The following OPCML variants were observed in gnomAD, a reference collection of about 807,000 sequenced individuals.
The protein encoded by OPCML is opioid-binding protein/cell adhesion molecule.
Under a neutral mutation model 37.8 loss-of-function variants are expected in OPCML, and 13 were observed. That is an observed-to-expected ratio of 0.34 (90% CI 0.22 to 0.55). The LOEUF is 0.55. Among genes scored for constraint, OPCML ranks in the 20% least tolerant of loss-of-function variants. The pLI is 0.91. For missense variants in OPCML, 341 were observed against 435.6 expected (o/e 0.78, Z 1.93); for synonymous variants, 176 against 168.8 (o/e 1.04, Z -0.33).
At chr11:132,441,231 G>A (rs546063289) in intron 4 of OPCML, among the ~76,000 whole-genome samples, 3 of 133,058 alleles carry the variant, frequency 2.3e-5, no homozygotes, top group Non-Finnish European at 1.5e-5. Context: ...GCAGTGGCGG[G>A]ATCTCGGCTC....
intron 3 of OPCML, 109 bp from the exon 4 acceptor site, chr11:132,529,295 T>C (rs1591511700): frequency 1.5e-6 from 2 of 1,360,092 alleles, no homozygotes; most frequent in South Asian, 1.6e-5. Flanking sequence ...AAATATTGTT[T>C]GCAGTAATAA....
chr11:132,821,693 G>C (rs758497554), intron 2 of OPCML, among the ~76,000 whole-genome samples: 1 of 152,132 alleles, frequency 6.6e-6, no homozygotes, highest in Non-Finnish European at 1.5e-5. Flanking sequence ...TGCTGACTTC[G>C]ACACTTTCTT....
chr11:132,808,224 A>C (rs1025833000), intron 2 of OPCML, among the ~76,000 whole-genome samples: 3 of 152,226 alleles, frequency 2.0e-5, no homozygotes, highest in African/African-American at 7.2e-5. Context: ...ATTACAAGGC[A>C]ATGTAATAAA....
chr11:132,475,227 T>C (rs1180146853), intron 4 of OPCML, among the ~76,000 whole-genome samples: 1 of 152,200 alleles, frequency 6.6e-6, no homozygotes, highest in African/African-American at 2.4e-5. Context: ...AGTTATTAGA[T>C]AGGCTTGCTT....
chr11:132,642,809 G>A (rs1195517523), intron 3 of OPCML, among the ~76,000 whole-genome samples: 1 of 152,206 alleles, frequency 6.6e-6, no homozygotes, highest in Non-Finnish European at 1.5e-5. Flanking sequence ...AGAGCAAGTG[G>A]TCAAACCAGG....
At chr11:133,004,538 T>C (rs896440625) in intron 1 of OPCML, 2 of 985,308 alleles carry the variant, frequency 2.0e-6, no homozygotes, top group African/African-American at 1.7e-5. Flanking sequence ...GCCATGCACC[T>C]CTTGGCCGTC....
intron 1 of OPCML, among the ~76,000 whole-genome samples, chr11:132,959,005 G>T (rs11605949): frequency 6.6e-6 from 1 of 152,164 alleles, no homozygotes. Flanking sequence ...CATTTGTAAG[G>T]CTATGGCTGC....
At chr11:132,819,309 T>G (rs1276529326) in intron 2 of OPCML, among the ~76,000 whole-genome samples, 1 of 151,624 alleles carries the variant, frequency 6.6e-6, no homozygotes, top group East Asian at 1.9e-4. Flanking sequence ...ATACCTATAT[T>G]GGAGTTAGCA....
intron 2 of OPCML, among the ~76,000 whole-genome samples, chr11:132,881,060 G>A (rs2136428449): frequency 6.6e-6 from 1 of 152,322 alleles, no homozygotes; most frequent in South Asian, 2.1e-4. Flanking sequence ...GTTTGAAAGG[G>A]TCTCAGACAA....
At chr11:133,417,296 G>C (rs1394128821) in intron 1 of OPCML, among the ~76,000 whole-genome samples, 1 of 152,128 alleles carries the variant, frequency 6.6e-6, no homozygotes, top group Non-Finnish European at 1.5e-5. Context: ...AACACACTGG[G>C]CACCTAAAAG....
chr11:133,191,504 GGTGTGTGTGTGTGTGTGTGT>G (rs56143154), intron 1 of OPCML, among the ~76,000 whole-genome samples: 1 of 142,360 alleles, frequency 7.0e-6, no homozygotes, highest in Non-Finnish European at 1.5e-5. Context: ...TGTGTGTGTG[GGTGTGTGTGTGTGTGTGTGT>G]GTGTGTGTGT....
chr11:133,295,574 C>T (rs907706837), intron 1 of OPCML, among the ~76,000 whole-genome samples: 3 of 152,156 alleles, frequency 2.0e-5, no homozygotes, highest in Non-Finnish European at 2.9e-5. Context: ...GCATGCCTTA[C>T]TGGGTTATTA....
At chr11:132,789,722 A>T (rs1937765765) in intron 2 of OPCML, among the ~76,000 whole-genome samples, 1 of 152,246 alleles carries the variant, frequency 6.6e-6, no homozygotes, top group South Asian at 2.1e-4. Flanking sequence ...GAAATAACAT[A>T]CATAAAAGAA....
chr11:132,960,775 A>G (rs1344962394), intron 1 of OPCML, among the ~76,000 whole-genome samples: 3 of 152,168 alleles, frequency 2.0e-5, no homozygotes, highest in Non-Finnish European at 2.9e-5. Flanking sequence ...CATTCCACAC[A>G]CTGTTTTACC....
At chr11:133,028,524 C>T (rs1171569864) in intron 1 of OPCML, among the ~76,000 whole-genome samples, 5 of 147,136 alleles carry the variant, frequency 3.4e-5, no homozygotes, top group South Asian at 4.4e-4. Context: ...TGATAAGGAG[C>T]GTGTGTGTGT....
chr11:132,973,896 T>C (rs1946399343), intron 1 of OPCML, among the ~76,000 whole-genome samples: 1 of 149,110 alleles, frequency 6.7e-6, no homozygotes, highest in African/African-American at 2.6e-5. Flanking sequence ...TTACCAAGCA[T>C]AGAGAAAGCA....
At chr11:132,760,399 G>A (rs529364087) in intron 2 of OPCML, among the ~76,000 whole-genome samples, 1 of 152,162 alleles carries the variant, frequency 6.6e-6, no homozygotes, top group Non-Finnish European at 1.5e-5. Context: ...ACAGTCGAGT[G>A]TTAAAGTCTC....
Position 132,782,447 on chromosome 11 carries a change from C to T in OPCML, c.147-125128G>A, listed in dbSNP as rs139178085. ...GCAGGATAAATGTTTCTTAGTAAAGCGAATGCTCAGCAATGAGAGTGGCCT... is the reference window on the plus strand; with the variant it reads ...GCAGGATAAATGTTTCTTAGTAAAGTGAATGCTCAGCAATGAGAGTGGCCT... On this transcript the variant is annotated intron_variant, in intron 2 of 7. Coordinates refer to ENST00000524381, the MANE Select transcript of OPCML (RefSeq NM_001012393.5). 9.5e-3 allele frequency among the ~76,000 whole-genome samples: 1,451 copies of T among 152,308 alleles called. 19 individuals carry two copies. Among genetic ancestry groups the T allele is most frequent in the African/African-American group, 0.033 (1,355 of 41,562 alleles).
chr11:132,606,689 A>G (rs2137815341), intron 3 of OPCML, among the ~76,000 whole-genome samples: 1 of 151,882 alleles, frequency 6.6e-6, no homozygotes, highest in East Asian at 1.9e-4. Context: ...GACTGCCGTG[A>G]CTGCACCCAG....
Sources: gnomAD v4.1 joint callset for allele counts (sites outside exome capture counted in the v4.1 genomes callset) on GRCh38, gnomAD v4.1.1 for gene constraint, MANE v1.5 for transcripts, NCBI Gene and HGNC (gene_info 2026-07-23, HGNC 2026-07-21) for gene names.